Variants in CA5A observed in about 807,000 individuals in gnomAD.
CA5A encodes the protein carbonic anhydrase 5A, mitochondrial.
CA5A carries 28 observed loss-of-function variants against 37.1 expected under a neutral mutation model. That is an observed-to-expected ratio of 0.75 (90% CI 0.56 to 1.03). The LOEUF (loss-of-function observed/expected upper bound fraction) is 1.03, where lower values mean the gene tolerates loss of function less well. Ranked by LOEUF, CA5A falls within the 50% of genes least tolerant of loss-of-function variation. The pLI is 0.00. For missense variants in CA5A, 444 were observed against 399.9 expected, an observed-to-expected ratio of 1.11 and a Z score of -0.94; for synonymous variants, 171 against 158.4, an observed-to-expected ratio of 1.08 and a Z score of -0.60.
chr16:87,909,705 G>A (rs536846876), intron 2 of CA5A, among the ~76,000 whole-genome samples: 15 of 152,352 alleles, frequency 9.8e-5, no homozygotes, highest in African/African-American at 3.6e-4. Flanking sequence ...CTTTCAAGGT[G>A]AAACAGAGAA....
Position 87,904,813 on chromosome 16 carries a change from T to C in CA5A, c.432A>G (p.Thr144=). 1 of 1,611,960 alleles carries C rather than the reference T, an allele frequency of 6.2e-7. No individual in the cohort carries two copies. Among genetic ancestry groups the C allele is most frequent in the East Asian group, 2.2e-5 (1 of 44,872 alleles). ...CTGCGGGGTACGCGTGGCCGTCCAC[T>C]GTGTGCTCTGAGCCCCCCTCGTTCA... ...GAVNEGGSEH[T]VDGHAYPAEL... Residue 144 remains threonine (T), a synonymous_variant, in exon 3 of 7, where the codon ACA becomes ACG. Coordinates refer to ENST00000649794, the MANE Select transcript of CA5A (RefSeq NM_001739.2).
chr16:87,900,904 A>C (rs899184608), intron 5 of CA5A, among the ~76,000 whole-genome samples: 19 of 152,208 alleles, frequency 1.2e-4, no homozygotes, highest in Admixed American at 2.6e-4. Flanking sequence ...CAAGGCTAAA[A>C]ATTTTTCGAG....
intron 5 of CA5A, among the ~76,000 whole-genome samples, chr16:87,894,860 CAGAG>C (rs58081897): frequency 4.0e-5 from 6 of 151,884 alleles, no homozygotes; most frequent in African/African-American, 1.2e-4. Context: ...GCCTGGGCAA[CAGAG>C]AGAGAGACTC....
At chr16:87,894,649 C>A (rs1341365225) in intron 5 of CA5A, among the ~76,000 whole-genome samples, 1 of 151,592 alleles carries the variant, frequency 6.6e-6, no homozygotes, top group East Asian at 1.9e-4. Context: ...GAGGCCAAGG[C>A]AGGCAGATCA....
chr16:87,895,079 G>C (rs2055782836), intron 5 of CA5A, among the ~76,000 whole-genome samples: 2 of 152,002 alleles, frequency 1.3e-5, no homozygotes, highest in African/African-American at 4.8e-5. Context: ...ACGAGACCCT[G>C]ACTCTACAAA....
chr16:87,925,526 G>C (rs781722833), intron 2 of CA5A: 1 of 152,404 alleles, frequency 6.6e-6, no homozygotes, highest in Non-Finnish European at 1.5e-5. Context: ...CCCAATTCCA[G>C]ACTCGCAGCA....
intron 5 of CA5A, among the ~76,000 whole-genome samples, chr16:87,897,178 C>T (rs990650338): frequency 7.2e-5 from 11 of 152,374 alleles, no homozygotes; most frequent in Middle Eastern, 3.4e-3. Flanking sequence ...AGAGCCGTTC[C>T]CTGGATCCCC....
At chr16:87,936,173 A>T in intron 1 of CA5A, 136 bp downstream of exon 1, 3 of 286,368 alleles carry the variant, frequency 1.0e-5, no homozygotes, top group East Asian at 6.2e-5. Context: ...CGCCATCTTA[A>T]AAAAAAAAAA....
At position 87,904,874 on chromosome 16, in the gene CA5A, T is replaced by C. The variant is rs1374584136; in HGVS notation, c.371A>G (p.Tyr124Cys). The change falls in exon 3 of 7, where the codon TAC becomes TGC. Residue 124 changes from tyrosine (Y) to cysteine (C), a missense_variant. Coordinates refer to ENST00000649794, the MANE Select transcript of CA5A (RefSeq NM_001739.2). ...GTGGAAGTGAAATTGCTTCAGTCTG[T>C]AGTGGTTTTCCAAGGGCCCACCACT... ...GISGGPLENH[Y>C]RLKQFHFHWG... 2 of 1,612,718 alleles carry C rather than the reference T, an allele frequency of 1.2e-6. No homozygotes were observed. The highest frequency in any genetic ancestry group is 2.2e-5 in the East Asian group (1 of 44,896).
At chr16:87,917,664 G>A (rs556628257) in intron 2 of CA5A, among the ~76,000 whole-genome samples, 2 of 94,022 alleles carry the variant, frequency 2.1e-5, no homozygotes, top group Admixed American at 1.1e-4. Flanking sequence ...CGTGCACATA[G>A]AGACACATGC....
Position 87,888,040 on chromosome 16 carries a change from G to C in CA5A, c.*89C>G, listed in dbSNP as rs532007635. ...ACCTCATGCTCTCTTTTTAATTTCA[G>C]AAGTCATGTACAATCACATTGTGAA... On this transcript the variant is annotated 3_prime_UTR_variant, in exon 7 of 7. Coordinates refer to ENST00000649794, the MANE Select transcript of CA5A (RefSeq NM_001739.2). 1 of 1,490,468 alleles carries C rather than the reference G, an allele frequency of 6.7e-7. No individual in the cohort carries two copies. The highest frequency in any genetic ancestry group is 2.3e-5 in the East Asian group (1 of 43,346). 92.3% of individuals were successfully genotyped at this position (1,490,468 alleles called of 1,614,324 possible).
chr16:87,889,374 C>A (rs904767170), intron 6 of CA5A, among the ~76,000 whole-genome samples: 19 of 152,116 alleles, frequency 1.2e-4, no homozygotes, highest in African/African-American at 4.3e-4. Flanking sequence ...TTTTCTAAAG[C>A]CACTATGTTT....
intron 1 of CA5A, among the ~76,000 whole-genome samples, chr16:87,931,903 A>C (rs2056411316): frequency 1.3e-5 from 2 of 150,862 alleles, no homozygotes; most frequent in African/African-American, 4.8e-5. Flanking sequence ...TTAATTCAGA[A>C]CGACACCAGC....
chr16:87,892,635 T>C (rs2055737045), intron 5 of CA5A, among the ~76,000 whole-genome samples: 1 of 150,346 alleles, frequency 6.7e-6, no homozygotes, highest in South Asian at 2.1e-4. Flanking sequence ...CTTTTTATTG[T>C]GATAAAATAT....
intron 6 of CA5A, among the ~76,000 whole-genome samples, chr16:87,890,504 C>T (rs1355607527): frequency 2.6e-5 from 4 of 152,136 alleles, no homozygotes; most frequent in Non-Finnish European, 5.9e-5. Flanking sequence ...GTCTGCCGGG[C>T]GGGGGCGGGG....
intron 2 of CA5A, among the ~76,000 whole-genome samples, chr16:87,906,134 C>A (rs771135736): frequency 2.6e-5 from 4 of 152,196 alleles, no homozygotes; most frequent in African/African-American, 7.2e-5. Flanking sequence ...ACAGCGTGCT[C>A]CTGGGATGGC....
rs1597567259 is a variant in CA5A at position 87,912,275 on chromosome 16, C to G, written c.341-7371G>C. 3.3e-5 allele frequency among the ~76,000 whole-genome samples: 5 copies of G among 152,216 alleles called. 1 individual carries two copies. Among genetic ancestry groups the G allele is most frequent in the Admixed American group, 3.3e-4 (5 of 15,286 alleles). On this transcript the variant is annotated intron_variant, in intron 2 of 6. Coordinates refer to ENST00000649794, the MANE Select transcript of CA5A (RefSeq NM_001739.2). ...CGAGGTCGTGTCACTGAACTCCAGCCTGGGCGACAGAGGGAGACTCCATCT... is the reference window on the plus strand; with the variant it reads ...CGAGGTCGTGTCACTGAACTCCAGCGTGGGCGACAGAGGGAGACTCCATCT...
intron 2 of CA5A, among the ~76,000 whole-genome samples, chr16:87,906,460 CT>C (rs2055963015): frequency 6.6e-6 from 1 of 151,900 alleles, no homozygotes; most frequent in South Asian, 2.1e-4. Flanking sequence ...TAACCCATCT[CT>C]ACTGAAAATA....
intron 1 of CA5A, among the ~76,000 whole-genome samples, chr16:87,929,885 A>AAAAT (rs1555524443): frequency 3.3e-5 from 5 of 151,538 alleles, no homozygotes; most frequent in African/African-American, 4.8e-5. Context: ...AAAAAAAAAA[A>AAAAT]AAAAAAAAAA....
Sources: allele counts gnomAD v4.1 joint callset (sites outside exome capture counted in the v4.1 genomes callset), GRCh38; gene constraint gnomAD v4.1.1; transcripts MANE v1.5; gene names NCBI Gene and HGNC (gene_info 2026-07-23, HGNC 2026-07-21).